The following ARHGEF4 variants were observed in gnomAD, a reference collection of about 807,000 sequenced individuals.
ARHGEF4 encodes the protein APC-stimulated guanine nucleotide exchange factor 1.
ARHGEF4 carries 119 observed loss-of-function variants against 162.0 expected under a neutral mutation model. The ratio of observed to expected loss-of-function variants is 0.73; its 90% CI spans 0.63 to 0.86. The LOEUF is 0.86. Among genes scored for constraint, ARHGEF4 ranks in the 40% least tolerant of loss-of-function variants. The pLI, the probability that ARHGEF4 is intolerant of heterozygous loss-of-function variation, is 0.00. For missense variants in ARHGEF4, 2,488 were observed against 2,456.0 expected (o/e 1.01, Z -0.28); for synonymous variants, 1,014 against 979.9 (o/e 1.03, Z -0.65).
chr2:130,936,351 G>A (rs759324566), intron 3 of ARHGEF4, among the ~76,000 whole-genome samples: 75 of 152,106 alleles, frequency 4.9e-4, no homozygotes, highest in Non-Finnish European at 6.0e-4. Flanking sequence ...TTGTAGGTAC[G>A]TATGTTTGTA....
chr2:131,040,279 C>G lies in ARHGEF4; in HGVS notation c.4501C>G (p.Arg1501Gly). Residue 1501 changes from arginine to glycine, a missense_variant, in exon 8 of 14, where the codon CGC becomes GGC. This residue lies in a region of ARHGEF4 where 415 missense variants were observed against 512.4 expected (regional missense o/e 0.81). Transcript: ENST00000409359. ...CCCGCAGGGCTACGTCCGGCAGTGC[C>G]GCAAGCGCGCAGACATGTTCAGCGA... ...DICEGYVRQC[R>G]KRADMFSEEQ... 3 of 1,612,812 alleles carry G rather than the reference C, an allele frequency of 1.9e-6. No individual in the cohort carries two copies. Among genetic ancestry groups the G allele is most frequent in the Non-Finnish European group, 2.5e-6 (3 of 1,179,700 alleles).
At chr2:131,026,342 C>G (rs185597395) in intron 4 of ARHGEF4, among the ~76,000 whole-genome samples, 173 of 152,246 alleles carry the variant, frequency 1.1e-3, no homozygotes, top group Non-Finnish European at 1.7e-3. Flanking sequence ...ACACAGAAAA[C>G]ATACACCAAA....
rs76627787 is a variant in ARHGEF4 at position 130,893,845 on chromosome 2, G to A, written c.40-20141G>A. 5.0e-3 allele frequency among the ~76,000 whole-genome samples: 759 copies of A among 152,348 alleles called. 6 individuals carry two copies. The highest frequency in any genetic ancestry group is 0.017 in the African/African-American group (727 of 41,574). ...GGGGCCCTCTCCAAACTTAGCAGGC[G>A]AGAAGAGCCACAAGGATTTCTAAGA... is the stretch of plus-strand genomic sequence containing the variant. On this transcript the variant is annotated intron_variant, in intron 1 of 13. Transcript: ENST00000409359.
chr2:131,032,566 G>C (rs1689922723), intron 5 of ARHGEF4, among the ~76,000 whole-genome samples: 1 of 151,992 alleles, frequency 6.6e-6, no homozygotes, highest in Non-Finnish European at 1.5e-5. Flanking sequence ...GCAGCTCACA[G>C]TCCCTTGGGG....
intron 4 of ARHGEF4, among the ~76,000 whole-genome samples, chr2:131,023,074 C>CACAAAAAA (rs1553442814): frequency 1.5e-5 from 1 of 66,650 alleles, no homozygotes; most frequent in Non-Finnish European, 2.8e-5. Context: ...AACCCTGTCT[C>CACAAAAAA]AAAAAAAAAA....
chr2:130,863,938 A>G (rs1682070524), intron 1 of ARHGEF4, among the ~76,000 whole-genome samples: 1 of 129,036 alleles, frequency 7.7e-6, no homozygotes, highest in Non-Finnish European at 1.6e-5. Flanking sequence ...TAATCCCAGC[A>G]CTTTGGGAGG....
intron 6 of ARHGEF4, chr2:131,039,241 G>A: frequency 8.6e-6 from 11 of 1,282,864 alleles, no homozygotes; most frequent in Non-Finnish European, 1.1e-5. Flanking sequence ...GGGGGCCAGA[G>A]AGGAGAGCAG....
chr2:131,014,157 C>G (rs1019382631), intron 4 of ARHGEF4, among the ~76,000 whole-genome samples: 2 of 152,114 alleles, frequency 1.3e-5, no homozygotes, highest in Admixed American at 1.3e-4. Flanking sequence ...TGGGTTTGTA[C>G]TCCAAAAGTC....
intron 4 of ARHGEF4, among the ~76,000 whole-genome samples, chr2:131,005,203 G>A (rs1055640496): frequency 4.6e-5 from 7 of 152,220 alleles, no homozygotes; most frequent in African/African-American, 1.7e-4. Context: ...TCAGCAGTGG[G>A]CTGATATCTG....
intron 3 of ARHGEF4, among the ~76,000 whole-genome samples, chr2:130,941,990 AG>A (rs1683330740): frequency 6.6e-6 from 1 of 152,190 alleles, no homozygotes; most frequent in African/African-American, 2.4e-5. Flanking sequence ...GGATTAAAGT[AG>A]ATTTTGAGAG....
chr2:130,914,299 A>G lies in ARHGEF4; in HGVS notation c.353A>G (p.His118Arg). 6.6e-7 allele frequency: 1 copy of G among 1,512,462 alleles called. No homozygotes were observed. Among genetic ancestry groups the G allele is most frequent in the Non-Finnish European group, 8.8e-7 (1 of 1,133,470 alleles). 93.7% of individuals were successfully genotyped at this position (1,512,462 alleles called of 1,614,324 possible). Residue 118 changes from histidine to arginine, a missense_variant, in exon 2 of 14, where the codon CAT becomes CGT. Physicochemically the swap from His to Arg is conservative, Grantham distance 29. Around this residue, in one of 6 missense-constraint regions of ARHGEF4, gnomAD observed 171 missense variants for 169.4 expected, o/e 1.01. Transcript: ENST00000409359. ...GCAACTGGACCCCCTCAGGAGCAGC[A>G]TTTGACCAGTGTTCCTGGGCTTCAT... ...VSATGPPQEQ[H>R]LTSVPGLHAK...
At chr2:130,896,510 C>T (rs571741902) in intron 1 of ARHGEF4, among the ~76,000 whole-genome samples, 42 of 152,320 alleles carry the variant, frequency 2.8e-4, no homozygotes, top group Non-Finnish European at 5.1e-4. Context: ...GTTCCGGGCG[C>T]CTAGTTGAAC....
rs1681549002 is a variant in ARHGEF4, at chr2:130,917,121, C to T, written c.3175C>T (p.Pro1059Ser). ...EKSWLASPGS[P>S]RAQQAGIAHT... ...GTCCTGGCTGGCGTCCCCCGGCAGC[C>T]CTCGGGCCCAGCAGGCTGGAATCGC... Residue 1059 changes from proline to serine, a missense_variant, in exon 2 of 14, where the codon CCT (proline) becomes TCT (serine). Physicochemically the swap from Pro to Ser is moderately conservative, Grantham distance 74 (BLOSUM62 -1). Coordinates refer to ENST00000409359, the MANE Select transcript of ARHGEF4 (RefSeq NM_001367493.1). The T allele has an allele frequency of 2.6e-6, 4 of 1,550,364 alleles. No individual in the cohort carries two copies. The highest frequency in any genetic ancestry group is 3.5e-6 in the Non-Finnish European group (4 of 1,146,974).
chr2:130,963,002 A>G (rs145530028), intron 4 of ARHGEF4, among the ~76,000 whole-genome samples: 27 of 152,230 alleles, frequency 1.8e-4, no homozygotes, highest in African/African-American at 5.8e-4. Flanking sequence ...AACCTAGAAG[A>G]ACCTGTGTGT....
chr2:130,950,762 G>A (rs544425320), intron 4 of ARHGEF4, among the ~76,000 whole-genome samples: 2 of 150,372 alleles, frequency 1.3e-5, no homozygotes, highest in East Asian at 4.0e-4. Flanking sequence ...TTTGCCTATG[G>A]ATGGAATCAT....
chr2:131,046,167 G>A lies in ARHGEF4; in HGVS notation c.5609G>A (p.Arg1870Gln), dbSNP rs142704840. ...KPSTFWHSIS[R>Q]LAPFRK ...TCTACCTTCTGGCACAGCATCAGCC[G>A]GCTGGCACCCTTCCGCAAGTGAACT... is the stretch of plus-strand genomic sequence containing the variant. Residue 1870 changes from arginine (R) to glutamine (Q), a missense_variant, in exon 14 of 14, where the codon CGG becomes CAG. Arg to Gln is a conservative substitution (Grantham distance 43). Transcript: ENST00000409359. The A allele has an allele frequency of 1.4e-5, 23 of 1,612,410 alleles. No homozygotes were observed. The highest frequency in any genetic ancestry group is 9.3e-5 in the African/African-American group (7 of 75,040).
At chr2:130,969,653 T>C (rs1424497135) in intron 4 of ARHGEF4, among the ~76,000 whole-genome samples, 18 of 152,224 alleles carry the variant, frequency 1.2e-4, no homozygotes, top group Non-Finnish European at 2.9e-5. Context: ...CATCTGTATT[T>C]ATTTTTAAAG....
intron 4 of ARHGEF4, among the ~76,000 whole-genome samples, chr2:131,008,324 T>G (rs1688255459): frequency 6.6e-6 from 1 of 152,180 alleles, no homozygotes; most frequent in African/African-American, 2.4e-5. Context: ...ATAGAACAAT[T>G]GGATCAACAT....
At chr2:130,888,340 A>G (rs34015197) in intron 1 of ARHGEF4, among the ~76,000 whole-genome samples, 27,125 of 151,782 alleles carry the variant, frequency 0.18, 2,953 homozygotes, top group East Asian at 0.33. Flanking sequence ...GCATGATGGC[A>G]GGTGCCTGTA....
Sources: allele counts gnomAD v4.1 joint callset (sites outside exome capture counted in the v4.1 genomes callset), GRCh38; gene constraint gnomAD v4.1.1; regional missense constraint gnomAD v4.1.1; transcripts MANE v1.5; gene names NCBI Gene and HGNC (gene_info 2026-07-23, HGNC 2026-07-21).